The following NRXN1 variants were observed in gnomAD, a reference collection of about 807,000 sequenced individuals.
The protein encoded by NRXN1 is neurexin-1.
In NRXN1, 39 loss-of-function variants were observed where a neutral mutation model predicts 150.9. That is an observed-to-expected ratio of 0.26 (90% CI 0.20 to 0.34). NRXN1 has a LOEUF of 0.34. Ranked by LOEUF, NRXN1 falls within the 10% of genes least tolerant of loss-of-function variation. The probability of loss-of-function intolerance (pLI) is 1.00; values close to 1 mark genes in which losing one functional copy is unlikely to be tolerated. For missense variants in NRXN1, 1,815 were observed against 1,949.9 expected, an observed-to-expected ratio of 0.93 and a Z score of 1.30; for synonymous variants, 924 against 757.0, an observed-to-expected ratio of 1.22 and a Z score of -3.62.
At position 49,919,052 on chromosome 2, in the gene NRXN1, T is replaced by G. The variant is rs1667764630; in HGVS notation, c.*2892A>C. ...TGGCCTTTCTTTGATGTCTTAGGGA[T>G]TGACCACTTCACACGTTATTGTAGT... On this transcript the variant is annotated 3_prime_UTR_variant, in exon 23 of 23. Transcript: ENST00000401669. The G allele has an allele frequency of 6.6e-6, 1 of 152,150 alleles. No homozygotes were observed. Among genetic ancestry groups the G allele is most frequent in the Admixed American group, 6.6e-5 (1 of 15,260 alleles). 9.4% of individuals were successfully genotyped at this position (152,150 alleles called of 1,614,324 possible).
chr2:50,046,793 C>G lies in NRXN1; in HGVS notation c.4128+6478G>C, dbSNP rs567378383. 2.2e-4 allele frequency among the ~76,000 whole-genome samples: 33 copies of G among 152,288 alleles called. 2 individuals are homozygous for G. In the South Asian group the frequency reaches 6.6e-3, roughly 31 times the overall value. ...CTATGCATAGTGCCCCAACATCCCA[C>G]ACAAGCTTTCAGACCTTAGACTCCC... On this transcript the variant is annotated intron_variant, in intron 21 of 22. Coordinates refer to ENST00000401669, the MANE Select transcript of NRXN1 (RefSeq NM_001330078.2).
At chr2:50,310,072 CTTCAT>C (rs2075050138) in intron 17 of NRXN1, among the ~76,000 whole-genome samples, 1 of 152,170 alleles carries the variant, frequency 6.6e-6, no homozygotes, top group South Asian at 2.1e-4. Context: ...ATGCCTCTGG[CTTCAT>C]CCTGGAGTCT....
intron 10 of NRXN1, among the ~76,000 whole-genome samples, chr2:50,535,310 A>C (rs72882071): frequency 6.6e-6 from 1 of 152,330 alleles, no homozygotes; most frequent in Admixed American, 6.5e-5. Flanking sequence ...ACCAGTTTCA[A>C]CTTTGTCTTC....
At chr2:50,321,061 G>C (rs1233825510) in intron 17 of NRXN1, among the ~76,000 whole-genome samples, 1 of 152,144 alleles carries the variant, frequency 6.6e-6, no homozygotes, top group Non-Finnish European at 1.5e-5. Context: ...GAAGCAAAGA[G>C]AAAATCATCA....
chr2:50,998,495 C>T lies in NRXN1; in HGVS notation c.772+29007G>A, dbSNP rs538840026. Among the ~76,000 whole-genome samples the T allele has an allele frequency of 1.6e-4, 24 of 152,080 alleles. No homozygotes were observed. The South Asian group carries it at 4.4e-3, about 28-fold the overall frequency. On this transcript the variant is annotated intron_variant, in intron 2 of 22. Transcript: ENST00000401669. ...CATATTGTTTTAATATTTCAAAGAA[C>T]GGATCACACTCACCCCTTATCCTAT...
intron 5 of NRXN1, among the ~76,000 whole-genome samples, chr2:50,690,652 T>G (rs920170429): frequency 2.6e-5 from 4 of 152,236 alleles, no homozygotes; most frequent in Non-Finnish European, 5.9e-5. Flanking sequence ...CATATATTTG[T>G]GTAGGCATAT....
intron 17 of NRXN1, among the ~76,000 whole-genome samples, chr2:50,307,661 G>T (rs2074755101): frequency 6.6e-6 from 1 of 152,058 alleles, no homozygotes; most frequent in Non-Finnish European, 1.5e-5. Flanking sequence ...CTGAAGCCTT[G>T]TCTATGTAAA....
intron 21 of NRXN1, among the ~76,000 whole-genome samples, chr2:49,978,707 G>C (rs908493817): frequency 1.4e-4 from 13 of 92,514 alleles, no homozygotes; most frequent in Non-Finnish European, 2.4e-4. Flanking sequence ...AAAGAAAAGA[G>C]AGGCCACAAA....
chr2:50,483,812 G>A (rs1423818970), intron 15 of NRXN1, among the ~76,000 whole-genome samples: 2 of 152,098 alleles, frequency 1.3e-5, no homozygotes, highest in Non-Finnish European at 1.5e-5. Flanking sequence ...TGACTGTTCT[G>A]GAAATTAAAA....
intron 2 of NRXN1, among the ~76,000 whole-genome samples, chr2:51,006,773 G>A (rs1700782002): frequency 6.6e-6 from 1 of 151,850 alleles, no homozygotes; most frequent in South Asian, 2.1e-4. Flanking sequence ...CTTCAAATGA[G>A]TAAGTGTCTT....
chr2:51,001,191 A>T (rs1219504870), intron 2 of NRXN1, among the ~76,000 whole-genome samples: 1 of 123,026 alleles, frequency 8.1e-6, no homozygotes, highest in Admixed American at 1.1e-4. Context: ...TACTGCCTCC[A>T]TATGGTTCCA....
chr2:50,242,740 C>G (rs1303181072), intron 17 of NRXN1, among the ~76,000 whole-genome samples: 2 of 151,598 alleles, frequency 1.3e-5, no homozygotes, highest in Non-Finnish European at 3.0e-5. Context: ...AAAATATGGA[C>G]TATATATCAT....
intron 2 of NRXN1, among the ~76,000 whole-genome samples, chr2:51,013,927 C>T (rs1668277660): frequency 6.6e-6 from 1 of 152,028 alleles, no homozygotes; most frequent in South Asian, 2.1e-4. Flanking sequence ...ACTTTTCCTG[C>T]TTACAAATGC....
intron 2 of NRXN1, among the ~76,000 whole-genome samples, chr2:51,025,051 G>A (rs1670212765): frequency 6.6e-6 from 1 of 151,920 alleles, no homozygotes; most frequent in Admixed American, 6.6e-5. Context: ...CATGAAATAG[G>A]GAAAATAAGC....
At chr2:50,593,895 C>T (rs535291932) in intron 8 of NRXN1, among the ~76,000 whole-genome samples, 2 of 152,122 alleles carry the variant, frequency 1.3e-5, no homozygotes, top group East Asian at 3.9e-4. Flanking sequence ...ACCCTTGATA[C>T]CTTAGCCTCT....
intron 18 of NRXN1, among the ~76,000 whole-genome samples, chr2:50,192,131 T>G (rs1198040024): frequency 6.6e-6 from 1 of 152,182 alleles, no homozygotes; most frequent in African/African-American, 2.4e-5. Flanking sequence ...GGAAGAATTG[T>G]GCCTGTATCC....
chr2:49,939,834 C>A (rs1320635020), intron 22 of NRXN1, among the ~76,000 whole-genome samples: 1 of 152,046 alleles, frequency 6.6e-6, no homozygotes, highest in African/African-American at 2.4e-5. Context: ...TTTTTGCTCC[C>A]AGAGCTTAGC....
intron 17 of NRXN1, among the ~76,000 whole-genome samples, chr2:50,376,681 G>A (rs2080522879): frequency 6.6e-6 from 1 of 152,160 alleles, no homozygotes; most frequent in South Asian, 2.1e-4. Flanking sequence ...TGTAGACATA[G>A]AGATAATTTT....
At chr2:50,627,609 G>GACACACAC (rs1681385569) in intron 5 of NRXN1, among the ~76,000 whole-genome samples, 2 of 90,238 alleles carry the variant, frequency 2.2e-5, no homozygotes, top group South Asian at 9.1e-4. Context: ...GCTTTTGTCA[G>GACACACAC]ACACAGACAC....
Sources: allele counts gnomAD v4.1 joint callset (sites outside exome capture counted in the v4.1 genomes callset), GRCh38; gene constraint gnomAD v4.1.1; transcripts MANE v1.5; gene names NCBI Gene and HGNC (gene_info 2026-07-23, HGNC 2026-07-21).